TBC1D5: variants seen among roughly 807,000 people sequenced by gnomAD.
TBC1D5 encodes the protein TBC1 domain family, member 5.
A neutral mutation model predicts 100.3 loss-of-function variants in TBC1D5; 75 were observed. The observed-to-expected ratio is 0.75, with a 90% confidence interval of 0.62 to 0.91. TBC1D5 has a LOEUF of 0.91. Among genes scored for constraint, TBC1D5 ranks in the 40% least tolerant of loss-of-function variants. The pLI is 0.00. For missense variants in TBC1D5, 910 were observed against 942.4 expected (o/e 0.97, Z 0.45); for synonymous variants, 323 against 325.6 (o/e 0.99, Z 0.09).
chr3:17,172,639 T>A (rs1047790475), intron 19 of TBC1D5, among the ~76,000 whole-genome samples: 1 of 152,214 alleles, frequency 6.6e-6, no homozygotes, highest in Admixed American at 6.5e-5. Flanking sequence ...CTGTGGAAAT[T>A]ACACACAAAA....
intron 15 of TBC1D5, among the ~76,000 whole-genome samples, chr3:17,271,398 C>T (rs1023085089): frequency 6.6e-6 from 1 of 152,066 alleles, no homozygotes. Flanking sequence ...TTCTTGATTT[C>T]GTTCTCAGCT....
chr3:17,244,012 G>A (rs1161998952), intron 16 of TBC1D5, among the ~76,000 whole-genome samples: 3 of 152,184 alleles, frequency 2.0e-5, no homozygotes, highest in Admixed American at 6.5e-5. Context: ...ATACAATATA[G>A]TGAGGGATGC....
intron 15 of TBC1D5, among the ~76,000 whole-genome samples, chr3:17,270,942 T>C (rs1024182689): frequency 1.3e-5 from 2 of 152,236 alleles, no homozygotes; most frequent in Admixed American, 1.3e-4. Flanking sequence ...TTGTCTTATT[T>C]CTGAGTTCTC....
At chr3:17,397,778 G>C (rs949231804) in intron 8 of TBC1D5, among the ~76,000 whole-genome samples, 1 of 152,038 alleles carries the variant, frequency 6.6e-6, no homozygotes, top group Non-Finnish European at 1.5e-5. Context: ...ACAATAACTA[G>C]AAATACAAAA....
intron 13 of TBC1D5, among the ~76,000 whole-genome samples, chr3:17,370,157 C>T (rs923885087): frequency 6.6e-6 from 1 of 152,142 alleles, no homozygotes; most frequent in Non-Finnish European, 1.5e-5. Context: ...GAAACAGAAA[C>T]ACTCTGGTTA....
intron 20 of TBC1D5, 47 bp downstream of exon 21, chr3:17,167,702 C>G: frequency 6.3e-7 from 1 of 1,578,836 alleles, no homozygotes; most frequent in Non-Finnish European, 8.7e-7. Context: ...GGGCCCTCCC[C>G]GCGGCAGGCG....
At chr3:17,217,029 C>T (rs1226477964) in intron 17 of TBC1D5, among the ~76,000 whole-genome samples, 3 of 152,088 alleles carry the variant, frequency 2.0e-5, no homozygotes, top group Non-Finnish European at 4.4e-5. Context: ...GCAGTTATTT[C>T]CAGTATACCC....
At chr3:17,644,399 C>T (rs2064821412) in intron 1 of TBC1D5, among the ~76,000 whole-genome samples, 1 of 152,142 alleles carries the variant, frequency 6.6e-6, no homozygotes, top group South Asian at 2.1e-4. Context: ...TCTTGATACA[C>T]TATTTATTCC....
intron 1 of TBC1D5, among the ~76,000 whole-genome samples, chr3:17,736,813 C>T (rs1241755972): frequency 6.6e-6 from 1 of 152,136 alleles, no homozygotes; most frequent in Non-Finnish European, 1.5e-5. Flanking sequence ...GAGTTTGAGA[C>T]CAGCCTGAAC....
intron 3 of TBC1D5, among the ~76,000 whole-genome samples, chr3:17,449,675 T>A (rs2094880823): frequency 6.6e-6 from 1 of 152,094 alleles, no homozygotes; most frequent in African/African-American, 2.4e-5. Flanking sequence ...CCAGGCTGCT[T>A]CTCTAGATTC....
intron 18 of TBC1D5, among the ~76,000 whole-genome samples, chr3:17,192,919 G>A (rs1316053597): frequency 1.3e-5 from 2 of 152,208 alleles, no homozygotes; most frequent in Non-Finnish European, 2.9e-5. Flanking sequence ...CAATCACTGA[G>A]CCCTTTTCCT....
intron 1 of TBC1D5, among the ~76,000 whole-genome samples, chr3:17,680,546 G>T (rs966813879): frequency 2.0e-5 from 3 of 151,160 alleles, no homozygotes; most frequent in Non-Finnish European, 4.4e-5. Context: ...TTAATAAAAG[G>T]CTTTCCTATA....
At chr3:17,223,585 G>A (rs2074519527) in intron 17 of TBC1D5, among the ~76,000 whole-genome samples, 1 of 152,178 alleles carries the variant, frequency 6.6e-6, no homozygotes, top group Non-Finnish European at 1.5e-5. Context: ...CGCTGGCGGG[G>A]TGCGGTGGCT....
chr3:17,230,268 C>T (rs776665071), intron 17 of TBC1D5, among the ~76,000 whole-genome samples: 10 of 152,184 alleles, frequency 6.6e-5, no homozygotes, highest in Admixed American at 1.3e-4. Flanking sequence ...TTCATTTACA[C>T]TGGGACATTT....
chr3:17,580,129 T>C (rs1188836344), intron 2 of TBC1D5, among the ~76,000 whole-genome samples: 4 of 152,134 alleles, frequency 2.6e-5, no homozygotes, highest in African/African-American at 9.7e-5. Flanking sequence ...CCCAACCTGG[T>C]ATAAGAAAGG....
chr3:17,427,289 CAAA>C (rs1373877839), intron 4 of TBC1D5, among the ~76,000 whole-genome samples: 1 of 151,870 alleles, frequency 6.6e-6, no homozygotes, highest in Non-Finnish European at 1.5e-5. Flanking sequence ...ATACAGACCC[CAAA>C]TGGTATAAAA....
At chr3:17,206,700 T>C (rs2072234967) in intron 18 of TBC1D5, among the ~76,000 whole-genome samples, 1 of 152,166 alleles carries the variant, frequency 6.6e-6, no homozygotes, top group African/African-American at 2.4e-5. Flanking sequence ...TCATTATGCA[T>C]CCTGTTTTAT....
rs58438478 is a variant in TBC1D5 at position 17,186,710 on chromosome 3, CAAAAAAAAAAAAAAAAAA to C, written c.1753-1520_1753-1503del. 2.6e-4 allele frequency among the ~76,000 whole-genome samples: 7 copies of C among 27,280 alleles called. No individual in the cohort carries two copies. The Admixed American group carries it at 3.5e-3, about 13-fold the overall frequency. 17.9% of individuals were successfully genotyped at this position (27,280 alleles called of 152,430 possible). On this transcript the variant is annotated intron_variant, in intron 18 of 21. Coordinates refer to ENST00000253692, the Ensembl canonical transcript of TBC1D5. Reference sequence around the variant, plus strand: ...GGGCGACAGAGCAAAACTCTATCTCCAAAAAAAAAAAAAAAAAAAAAAAAAAAAAAAAAATTAAAAAAA... The same window carrying C: ...GGGCGACAGAGCAAAACTCTATCTCCAAAAAAAAAAAAAAAATTAAAAAAA...
At chr3:17,740,271 T>G (rs541894192) in exon 1 of TBC1D5, 2 of 150,382 alleles carry the variant, frequency 1.3e-5, no homozygotes, top group African/African-American at 4.9e-5. Context: ...GAGGTGGCAG[T>G]GAGCCGAGAT....
Sources: allele counts gnomAD v4.1 joint callset (sites outside exome capture counted in the v4.1 genomes callset), GRCh38; gene constraint gnomAD v4.1.1; transcripts MANE v1.5; gene names NCBI Gene and HGNC (gene_info 2026-07-23, HGNC 2026-07-21).